The following FAM168A variants were observed in gnomAD, a reference collection of about 807,000 sequenced individuals.
FAM168A encodes protein FAM168A.
In FAM168A, 3 loss-of-function variants were observed where a neutral mutation model predicts 28.5. The observed-to-expected ratio is 0.11, with a 90% CI of 0.05 to 0.27. The LOEUF (loss-of-function observed/expected upper bound fraction) is 0.27, where lower values mean the gene tolerates loss of function less well. FAM168A is among the 10% of genes least tolerant of loss of function. The pLI, the probability that FAM168A is intolerant of heterozygous loss-of-function variation, is 1.00. For missense variants in FAM168A, 222 were observed against 311.5 expected, an observed-to-expected ratio of 0.71 and a Z score of 2.16; for synonymous variants, 122 against 124.2, an observed-to-expected ratio of 0.98 and a Z score of 0.12.
intron 1 of FAM168A, among the ~76,000 whole-genome samples, chr11:73,513,205 ATTTTTTT>A (rs1046600591): frequency 3.7e-5 from 4 of 109,378 alleles, no homozygotes; most frequent in East Asian, 2.4e-4. Flanking sequence ...TTTTTTTTTA[ATTTTTTT>A]TTTTTTTTTT....
At chr11:73,408,057 G>A (rs777342231) in intron 6 of FAM168A, among the ~76,000 whole-genome samples, 10 of 152,166 alleles carry the variant, frequency 6.6e-5, no homozygotes, top group African/African-American at 9.7e-5. Context: ...TTTTACTAGA[G>A]ATGGGGTTTC....
intron 4 of FAM168A, among the ~76,000 whole-genome samples, chr11:73,419,289 C>G (rs1310845566): frequency 1.3e-5 from 2 of 152,188 alleles, no homozygotes; most frequent in Non-Finnish European, 1.5e-5. Flanking sequence ...CACCTTGGTC[C>G]CACAGTGCAG....
chr11:73,576,624 G>T (rs553110746), intron 1 of FAM168A, among the ~76,000 whole-genome samples: 24 of 152,242 alleles, frequency 1.6e-4, no homozygotes, highest in Admixed American at 1.1e-3. Context: ...CGGAAATGGG[G>T]AATCAACTGT....
chr11:73,467,574 T>C (rs1341594969), intron 2 of FAM168A, among the ~76,000 whole-genome samples: 1 of 152,164 alleles, frequency 6.6e-6, no homozygotes, highest in Non-Finnish European at 1.5e-5. Flanking sequence ...TGCAAATCAA[T>C]AGATAAATGC....
chr11:73,422,238 C>T lies in FAM168A; in HGVS notation c.152-2239G>A, dbSNP rs1866806181. Among the ~76,000 whole-genome samples the T allele has an allele frequency of 2.6e-5, 4 of 152,186 alleles. No homozygotes were observed. In the South Asian group the frequency reaches 8.3e-4, roughly 32 times the overall value. ...TTAACCAGGAAAGAAGCAAGTGCGACTGTGCCTTTGGTTACTATGTCTTTT... is the reference window on the plus strand; with the variant it reads ...TTAACCAGGAAAGAAGCAAGTGCGATTGTGCCTTTGGTTACTATGTCTTTT... On this transcript the variant is annotated intron_variant, in intron 3 of 7. Transcript: ENST00000356467.
intron 6 of FAM168A, 42 bp from the exon 7 acceptor site, chr11:73,407,685 C>T (rs1423628185): frequency 1.5e-5 from 23 of 1,513,804 alleles, no homozygotes; most frequent in Non-Finnish European, 2.0e-5. Flanking sequence ...CGAGGCTGCA[C>T]CAGACACAGG....
chr11:73,564,185 G>A (rs907940684), intron 1 of FAM168A, among the ~76,000 whole-genome samples: 1 of 152,254 alleles, frequency 6.6e-6, no homozygotes, highest in African/African-American at 2.4e-5. Flanking sequence ...CACTATGGCC[G>A]GAAGAATGTG....
rs941853013 is a variant in FAM168A, at chr11:73,524,207, C to T, written c.-18-55715G>A. Among the ~76,000 whole-genome samples, 9 of 151,926 alleles carry T rather than the reference C, an allele frequency of 5.9e-5. No individual in the cohort carries two copies. The East Asian group carries it at 1.7e-3, about 29-fold the overall frequency. ...TCTGGAAGCTTTTATATTCTCATTT[C>T]GAAATTTTATGGTGTTCTGAAATTT... On this transcript the variant is annotated intron_variant, in intron 1 of 7. Coordinates refer to ENST00000356467, the MANE Select transcript of FAM168A (RefSeq NM_015159.3).
At chr11:73,430,583 G>A (rs191938256) in intron 3 of FAM168A, 107 bp downstream of exon 3, 37 of 1,028,632 alleles carry the variant, frequency 3.6e-5, no homozygotes, top group Admixed American at 8.6e-5. Context: ...GAGAGGCTGC[G>A]CCCGGAGCAA....
intron 1 of FAM168A, among the ~76,000 whole-genome samples, chr11:73,565,637 T>C (rs1056643156): frequency 6.8e-6 from 1 of 147,838 alleles, no homozygotes; most frequent in African/African-American, 2.7e-5. Context: ...CAGTAAATAT[T>C]AGTTATGTTC....
intron 1 of FAM168A, among the ~76,000 whole-genome samples, chr11:73,518,555 G>C (rs958780007): frequency 5.3e-5 from 8 of 151,802 alleles, no homozygotes; most frequent in African/African-American, 1.9e-4. Flanking sequence ...GTGGAATTGT[G>C]GTGGGGGAAA....
chr11:73,568,248 T>C (rs1944045116), intron 1 of FAM168A, among the ~76,000 whole-genome samples: 1 of 152,206 alleles, frequency 6.6e-6, no homozygotes, highest in Non-Finnish European at 1.5e-5. Flanking sequence ...AAAATTCCAA[T>C]TTCTTATCTC....
At chr11:73,506,487 T>C (rs556131510) in intron 1 of FAM168A, among the ~76,000 whole-genome samples, 9 of 152,332 alleles carry the variant, frequency 5.9e-5, no homozygotes, top group Admixed American at 1.3e-4. Context: ...GTTTTGCCTG[T>C]GCTCATGAAA....
rs1471120423 is a variant in FAM168A, at chr11:73,401,496, G to C, written c.*5267C>G. The C allele has an allele frequency of 6.6e-6, 1 of 152,336 alleles. No individual in the cohort carries two copies. Among genetic ancestry groups the C allele is most frequent in the East Asian group, 1.9e-4 (1 of 5,192 alleles). 9.4% of individuals were successfully genotyped at this position (152,336 alleles called of 1,614,324 possible). A position where few individuals can be genotyped will look rare whatever the true frequency, so the allele number is the denominator to read the frequency against. ...GACTCTCTTAGGCCTGAGGAGAAAG[G>C]CTGGGGTCTGGAGATGCTGGTCTTG... On this transcript the variant is annotated 3_prime_UTR_variant, in exon 8 of 8. Coordinates refer to ENST00000356467, the MANE Select transcript of FAM168A (RefSeq NM_015159.3).
chr11:73,449,901 C>A (rs7110369), intron 2 of FAM168A, among the ~76,000 whole-genome samples: 12,419 of 152,288 alleles, frequency 0.082, 652 homozygotes, highest in Non-Finnish European at 0.11. Context: ...GATTTTTCTG[C>A]ATCTTCTCCT....
intron 1 of FAM168A, among the ~76,000 whole-genome samples, chr11:73,492,985 T>C (rs1854782760): frequency 6.6e-6 from 1 of 152,116 alleles, no homozygotes; most frequent in South Asian, 2.1e-4. Context: ...TGGGTAAGCA[T>C]GGACAAAAAG....
At chr11:73,418,310 G>A (rs1258207184) in intron 4 of FAM168A, among the ~76,000 whole-genome samples, 2 of 152,172 alleles carry the variant, frequency 1.3e-5, no homozygotes, top group African/African-American at 4.8e-5. Flanking sequence ...CCTTGCTGAT[G>A]AGTGAGCTCT....
chr11:73,503,681 T>C (rs1855053778), intron 1 of FAM168A, among the ~76,000 whole-genome samples: 1 of 152,164 alleles, frequency 6.6e-6, no homozygotes, highest in African/African-American at 2.4e-5. Flanking sequence ...AAGAAGACCC[T>C]GGATAGCCAA....
At chr11:73,469,943 A>C (rs1008441891) in intron 1 of FAM168A, among the ~76,000 whole-genome samples, 1 of 152,016 alleles carries the variant, frequency 6.6e-6, no homozygotes, top group African/African-American at 2.4e-5. Context: ...ACGGAGTCTC[A>C]CTCTGTTGCC....
Sources: allele counts gnomAD v4.1 joint callset (sites outside exome capture counted in the v4.1 genomes callset), GRCh38; gene constraint gnomAD v4.1.1; transcripts MANE v1.5; gene names NCBI Gene and HGNC (gene_info 2026-07-23, HGNC 2026-07-21).